Variants in ADAMTS17 observed in about 807,000 individuals in gnomAD.
The protein encoded by ADAMTS17 is ADAM metallopeptidase with thrombospondin type 1 motif 17.
ADAMTS17 carries 113 observed loss-of-function variants against 141.5 expected under a neutral mutation model. The ratio of observed to expected loss-of-function variants is 0.80; its 90% CI spans 0.69 to 0.93. The LOEUF (loss-of-function observed/expected upper bound fraction) is 0.93. ADAMTS17 is among the 40% of genes least tolerant of loss of function. The pLI, the probability that ADAMTS17 is intolerant of heterozygous loss-of-function variation, is 0.00. For synonymous variants in ADAMTS17, 768 were observed against 630.6 expected, an observed-to-expected ratio of 1.22 and a Z score of -3.27; for missense variants, 1,659 against 1,517.9, an observed-to-expected ratio of 1.09 and a Z score of -1.54.
intron 8 of ADAMTS17, among the ~76,000 whole-genome samples, chr15:100,169,095 C>A (rs1434076063): frequency 1.3e-5 from 2 of 152,224 alleles, no homozygotes; most frequent in African/African-American, 4.8e-5. Context: ...GGGATTCATA[C>A]ACTCCTGGTC....
chr15:100,227,442 C>T (rs1008106691), intron 7 of ADAMTS17, among the ~76,000 whole-genome samples: 7 of 152,182 alleles, frequency 4.6e-5, no homozygotes, highest in Non-Finnish European at 1.0e-4. Flanking sequence ...TTCTTTATCT[C>T]CCCTAAATGA....
chr15:100,148,454 A>G (rs2039010963), intron 10 of ADAMTS17, among the ~76,000 whole-genome samples: 1 of 152,086 alleles, frequency 6.6e-6, no homozygotes, highest in Admixed American at 6.5e-5. Flanking sequence ...CAGTTTTCAG[A>G]AAAACTGCAT....
At chr15:100,087,326 A>T (rs1288790268) in intron 15 of ADAMTS17, among the ~76,000 whole-genome samples, 9 of 152,202 alleles carry the variant, frequency 5.9e-5, no homozygotes, top group Non-Finnish European at 1.3e-4. Context: ...TAACAGGCTC[A>T]AAAATTTAGG....
chr15:100,282,775 C>T (rs893393653), intron 3 of ADAMTS17, among the ~76,000 whole-genome samples: 3 of 151,896 alleles, frequency 2.0e-5, no homozygotes, highest in African/African-American at 7.3e-5. Flanking sequence ...TGGAAATATA[C>T]AACTATAGAT....
In ADAMTS17 at chr15:100,243,468, G is replaced by A. The variant is rs116171304; in HGVS notation, c.1075+10668C>T. ...AGGGTTCCCATCTCTCTACATCCTCGCCAACATTTGTTATTTCTGGTTTTG... is the reference window on the plus strand; with the variant it reads ...AGGGTTCCCATCTCTCTACATCCTCACCAACATTTGTTATTTCTGGTTTTG... On this transcript the variant is annotated intron_variant, in intron 7 of 21. Coordinates refer to ENST00000268070, the MANE Select transcript of ADAMTS17 (RefSeq NM_139057.4). Among the ~76,000 whole-genome samples the A allele has an allele frequency of 7.3e-3, 1,118 of 152,148 alleles. 12 individuals are homozygous for A. The highest frequency in any genetic ancestry group is 0.026 in the African/African-American group (1,072 of 41,514).
intron 8 of ADAMTS17, among the ~76,000 whole-genome samples, chr15:100,178,947 T>C (rs1387131376): frequency 1.3e-5 from 2 of 152,184 alleles, no homozygotes; most frequent in African/African-American, 4.8e-5. Context: ...CAATACATTG[T>C]TCCCAATTTT....
chr15:100,115,776 T>TA (rs1471972401), intron 13 of ADAMTS17, among the ~76,000 whole-genome samples: 7 of 152,204 alleles, frequency 4.6e-5, no homozygotes, highest in African/African-American at 1.7e-4. Flanking sequence ...TGAGGCTGTC[T>TA]AAAAATCAGG....
intron 18 of ADAMTS17, among the ~76,000 whole-genome samples, chr15:100,020,051 C>T (rs886641143): frequency 3.9e-5 from 6 of 152,066 alleles, no homozygotes; most frequent in African/African-American, 1.4e-4. Flanking sequence ...CCCAGGACAG[C>T]AGCCGGAATC....
intron 3 of ADAMTS17, among the ~76,000 whole-genome samples, chr15:100,287,143 A>ACG (rs908390561): frequency 6.6e-6 from 1 of 152,150 alleles, no homozygotes; most frequent in Non-Finnish European, 1.5e-5. Flanking sequence ...AGCCAAGATC[A>ACG]CGCCACCACA....
chr15:100,237,225 G>C (rs2042685952), intron 7 of ADAMTS17, among the ~76,000 whole-genome samples: 1 of 152,184 alleles, frequency 6.6e-6, no homozygotes, highest in South Asian at 2.1e-4. Context: ...GCCTACAGGA[G>C]GCGACTCCAT....
intron 10 of ADAMTS17, among the ~76,000 whole-genome samples, chr15:100,134,283 C>G (rs1163454935): frequency 6.6e-6 from 1 of 152,234 alleles, no homozygotes; most frequent in Non-Finnish European, 1.5e-5. Flanking sequence ...CTTGACTGCT[C>G]TCTCCCTCAC....
chr15:100,330,537 A>G (rs974279080), intron 3 of ADAMTS17, among the ~76,000 whole-genome samples: 6 of 152,148 alleles, frequency 3.9e-5, no homozygotes, highest in Non-Finnish European at 8.8e-5. Context: ...ACTCGGGAGC[A>G]CTGTATTATT....
chr15:100,152,926 C>G (rs2039248951), intron 9 of ADAMTS17, among the ~76,000 whole-genome samples, 164 bp from the exon 10 acceptor site: 1 of 25,998 alleles, frequency 3.8e-5, no homozygotes, highest in African/African-American at 7.2e-5. Context: ...CGCTTTTTTG[C>G]TGTGCATTCC....
chr15:100,066,432 T>A (rs1012094232), intron 15 of ADAMTS17, among the ~76,000 whole-genome samples: 3 of 152,152 alleles, frequency 2.0e-5, no homozygotes, highest in Non-Finnish European at 2.9e-5. Context: ...TAGTTTTACA[T>A]AAACATTTAT....
intron 8 of ADAMTS17, among the ~76,000 whole-genome samples, chr15:100,189,016 T>A (rs1468469849): frequency 6.6e-6 from 1 of 152,250 alleles, no homozygotes; most frequent in Non-Finnish European, 1.5e-5. Context: ...GGTCCACCCC[T>A]TGGATGTCCT....
At chr15:100,198,466 T>C (rs1018046048) in intron 8 of ADAMTS17, among the ~76,000 whole-genome samples, 1 of 152,160 alleles carries the variant, frequency 6.6e-6, no homozygotes, top group Non-Finnish European at 1.5e-5. Context: ...CAATAATTTT[T>C]CCCCCAAGAA....
At chr15:100,160,221 G>T (rs79304483) in intron 8 of ADAMTS17, among the ~76,000 whole-genome samples, 1,670 of 152,310 alleles carry the variant, frequency 0.011, 37 homozygotes, top group African/African-American at 0.038. Flanking sequence ...ACCTTGGCCA[G>T]GATCAGAGGC....
chr15:100,305,344 T>C lies in ADAMTS17; in HGVS notation c.617-23943A>G, dbSNP rs556713496. Among the ~76,000 whole-genome samples the C allele has an allele frequency of 1.3e-3, 197 of 152,372 alleles. 1 individual carries two copies. The highest frequency in any genetic ancestry group is 2.2e-3 in the Non-Finnish European group (150 of 68,030). On this transcript the variant is annotated intron_variant, in intron 3 of 21. Coordinates refer to ENST00000268070, the MANE Select transcript of ADAMTS17 (RefSeq NM_139057.4). ...TTGTTTACCTATTTAGGATGCCAGA[T>C]TCCTCAAACTGTTTCTGGTCCCTGA...
chr15:100,340,954 A>AGGCGG, intron 2 of ADAMTS17, 85 bp downstream of exon 2: 1 of 1,479,634 alleles, frequency 6.8e-7, no homozygotes, highest in Non-Finnish European at 9.0e-7. Flanking sequence ...CTTCCAGCAG[A>AGGCGG]GGCGCCCCAC....
Sources: allele counts gnomAD v4.1 joint callset (sites outside exome capture counted in the v4.1 genomes callset), GRCh38; gene constraint gnomAD v4.1.1; transcripts MANE v1.5; gene names NCBI Gene and HGNC (gene_info 2026-07-23, HGNC 2026-07-21).